EPSTI1: variants seen among roughly 807,000 people sequenced by gnomAD.
EPSTI1 encodes the protein epithelial stromal interaction 1, also known as epithelial-stromal interaction protein 1.
Under a neutral mutation model 49.9 loss-of-function variants are expected in EPSTI1, and 66 were observed. The ratio of observed to expected loss-of-function variants is 1.32; its 90% CI spans 1.08 to 1.62. EPSTI1 has a LOEUF of 1.62. Among genes scored for constraint, EPSTI1 ranks in the 40% most tolerant of loss-of-function variants. The pLI, the probability that EPSTI1 is intolerant of heterozygous loss-of-function variation, is 0.00. For missense variants in EPSTI1, 394 were observed against 365.5 expected (o/e 1.08, Z -0.64); for synonymous variants, 137 against 130.7 (o/e 1.05, Z -0.33).
chr13:42,942,705 G>A (rs113601752), intron 6 of EPSTI1, among the ~76,000 whole-genome samples: 3 of 104,076 alleles, frequency 2.9e-5, no homozygotes, highest in African/African-American at 3.8e-5. Context: ...TTTTTGAGAC[G>A]GAGTCTTGCT....
chr13:42,969,568 A>G (rs974669206), intron 2 of EPSTI1: 2 of 210,180 alleles, frequency 9.5e-6, no homozygotes, highest in South Asian at 6.9e-5. Flanking sequence ...ATAGGTAAAC[A>G]TATCCCCAGA....
rs368975137 is a variant in EPSTI1 at position 42,922,362 on chromosome 13, G to A, written c.657+3974C>T. Among the ~76,000 whole-genome samples the A allele has an allele frequency of 7.2e-5, 11 of 152,236 alleles. No homozygotes were observed. The highest frequency in any genetic ancestry group is 2.1e-4 in the South Asian group (1 of 4,818). Reference sequence around the variant, plus strand: ...AGATTAGCCTGGATAGTCCAGGTGGGCCCATTGTAATCAAAAGGGTCATTA... The same window carrying A: ...AGATTAGCCTGGATAGTCCAGGTGGACCCATTGTAATCAAAAGGGTCATTA... On this transcript the variant is annotated intron_variant, in intron 7 of 10. Coordinates refer to ENST00000313624, the MANE Select transcript of EPSTI1 (RefSeq NM_033255.5). The surrounding 1 kb of genome is among the most constrained non-coding windows in gnomAD (Gnocchi z 4.8).
At chr13:42,920,957 G>A (rs946816597) in intron 7 of EPSTI1, among the ~76,000 whole-genome samples, 1 of 151,980 alleles carries the variant, frequency 6.6e-6, no homozygotes, top group African/African-American at 2.4e-5. Flanking sequence ...AAAATATTTA[G>A]AAGATAAAGT....
At chr13:42,963,688 TA>T in intron 4 of EPSTI1, 1 of 297,000 alleles carries the variant, frequency 3.4e-6, no homozygotes, top group South Asian at 8.1e-5. Context: ...GTGTTCATTG[TA>T]AAAATCGCTG....
intron 5 of EPSTI1, 94 bp downstream of exon 5, chr13:42,963,161 T>C (rs188215785): frequency 8.2e-4 from 815 of 989,608 alleles, no homozygotes; most frequent in Non-Finnish European, 1.1e-3. Context: ...GAGAGAAAGA[T>C]GGATAAATTT....
chr13:42,945,739 T>C (rs1175236040), intron 6 of EPSTI1, among the ~76,000 whole-genome samples: 1 of 152,098 alleles, frequency 6.6e-6, no homozygotes, highest in African/African-American at 2.4e-5. Context: ...AATACTGACA[T>C]CAGGGCAGTG....
chr13:42,966,534 A>C lies in EPSTI1; in HGVS notation c.332-2395T>G, dbSNP rs1480689968. Among the ~76,000 whole-genome samples, 94 of 35,384 alleles carry C rather than the reference A, an allele frequency of 2.7e-3. 8 individuals are homozygous for C. The highest frequency in any genetic ancestry group is 8.6e-3 in the African/African-American group (90 of 10,518). 23.2% of individuals were successfully genotyped at this position (35,384 alleles called of 152,430 possible). A position where few individuals can be genotyped will look rare whatever the true frequency, so the allele number is the denominator to read the frequency against. On this transcript the variant is annotated intron_variant, in intron 3 of 10. Coordinates refer to ENST00000313624, the MANE Select transcript of EPSTI1 (RefSeq NM_033255.5). The stretch of plus-strand genomic sequence containing the variant: ...GCCGCCCCGTCTGAGAAGTGAGGAG[A>C]CCCTCTGCCTGGCAACCGCCCCGTC...
Position 42,917,679 on chromosome 13 carries a change from G to GT in EPSTI1, c.658-56dup, listed in dbSNP as rs1415222881. On this transcript the variant is annotated intron_variant, in intron 7 of 10. Coordinates refer to ENST00000313624, the MANE Select transcript of EPSTI1 (RefSeq NM_033255.5). Reference sequence around the variant, plus strand: ...AAAAAACAACTTGATAGGATAAAGGGTTGTCACAGTACACCAAGCTGCCTA... The same window carrying GT: ...AAAAAACAACTTGATAGGATAAAGGGTTTGTCACAGTACACCAAGCTGCCTA... 3 of 1,299,298 alleles carry GT rather than the reference G, an allele frequency of 2.3e-6. No individual in the cohort carries two copies. The African/African-American group carries it at 4.4e-5, about 19-fold the overall frequency. The allele number at this position is 1,299,298 out of a possible 1,614,324, so 80.5% of individuals were successfully genotyped here.
At chr13:42,954,045 T>A (rs767676529) in intron 5 of EPSTI1, 24 bp from the exon 6 acceptor site, 1 of 1,590,488 alleles carries the variant, frequency 6.3e-7, no homozygotes, top group Non-Finnish European at 8.6e-7. Context: ...TATCAAAACA[T>A]AACTTATTAA....
rs747929111 is a variant in EPSTI1 at position 42,964,139 on chromosome 13, C to T, written c.332G>A (p.Gly111Asp). ...GACTTCAGTTTCTGACTGGCTTCCA[C>T]CTTAGGAAAAAAAAATCCATGAAGG... ...KPVHLVPRRL[G>D]GSQSETEVRQ... Residue 111 changes from glycine (G) to aspartate (D), a missense_variant and splice_region_variant, in exon 4 of 11, where the codon GGT becomes GAT. Physicochemically the swap from Gly to Asp is moderately conservative, Grantham distance 94. Coordinates refer to ENST00000313624, the MANE Select transcript of EPSTI1 (RefSeq NM_033255.5). The T allele has an allele frequency of 2.5e-6, 4 of 1,611,624 alleles. No individual in the cohort carries two copies. The East Asian group carries it at 8.9e-5, about 36-fold the overall frequency.
At chr13:42,901,764 T>C (rs1341305177) in intron 8 of EPSTI1, among the ~76,000 whole-genome samples, 2 of 152,212 alleles carry the variant, frequency 1.3e-5, no homozygotes, top group African/African-American at 4.8e-5. Flanking sequence ...ATTCATTTCT[T>C]AATTTTTTTT....
intron 1 of EPSTI1, among the ~76,000 whole-genome samples, chr13:42,981,088 T>C (rs1444620855): frequency 3.9e-5 from 6 of 152,154 alleles, no homozygotes; most frequent in Non-Finnish European, 8.8e-5. Context: ...AGGACTTTAA[T>C]GGATTTTCTT....
intron 6 of EPSTI1, among the ~76,000 whole-genome samples, chr13:42,928,246 A>G (rs187107379): frequency 1.3e-5 from 2 of 152,182 alleles, no homozygotes; most frequent in Non-Finnish European, 2.9e-5. Context: ...ACACTAACTC[A>G]TATTTTTCTA....
At chr13:42,970,733 C>G (rs2039747151) in intron 1 of EPSTI1, 63 bp from the exon 2 acceptor site, 5 of 1,319,102 alleles carry the variant, frequency 3.8e-6, no homozygotes, top group Admixed American at 2.0e-5. Flanking sequence ...TATAAGCCAC[C>G]AGATATTTTT....
At chr13:42,971,476 C>A (rs1424988333) in intron 1 of EPSTI1, among the ~76,000 whole-genome samples, 1 of 152,110 alleles carries the variant, frequency 6.6e-6, no homozygotes. Context: ...AGATGATGCA[C>A]GTGATCCCAC....
At chr13:42,975,258 G>GA (rs2039858967) in intron 1 of EPSTI1, among the ~76,000 whole-genome samples, 1 of 152,100 alleles carries the variant, frequency 6.6e-6, no homozygotes, top group Non-Finnish European at 1.5e-5. Context: ...AAGAATAATA[G>GA]AAAATGACAA....
At position 42,888,166 on chromosome 13, in the gene EPSTI1, CA is replaced by C; in HGVS notation, c.*327del. 1 of 1,466,964 alleles carries C rather than the reference CA, an allele frequency of 6.8e-7. No individual in the cohort carries two copies. The highest frequency in any genetic ancestry group is 9.3e-7 in the Non-Finnish European group (1 of 1,077,854). 90.9% of individuals were successfully genotyped at this position (1,466,964 alleles called of 1,614,324 possible). A position where few individuals can be genotyped will look rare whatever the true frequency, so the allele number is the denominator to read the frequency against. On this transcript the variant is annotated 3_prime_UTR_variant, in exon 11 of 11. Coordinates refer to ENST00000313624, the MANE Select transcript of EPSTI1 (RefSeq NM_033255.5). The stretch of plus-strand genomic sequence containing the variant: ...GTCACTTAGAAAGACAAGCCTGTAG[CA>C]CCCATAGCTCTGATTAACCTGAAAG...
chr13:42,988,805 GC>G (rs1322146120), intron 1 of EPSTI1, among the ~76,000 whole-genome samples: 1 of 151,344 alleles, frequency 6.6e-6, no homozygotes, highest in East Asian at 1.9e-4. Context: ...TATATTGATA[GC>G]CACAGATTTT....
intron 5 of EPSTI1, among the ~76,000 whole-genome samples, chr13:42,957,211 G>C (rs989070043): frequency 6.6e-6 from 1 of 152,242 alleles, no homozygotes; most frequent in Non-Finnish European, 1.5e-5. Flanking sequence ...TATCATTTAA[G>C]AGCACCAGAA....
Sources: gnomAD v4.1 joint callset for allele counts (sites outside exome capture counted in the v4.1 genomes callset) on GRCh38, gnomAD v4.1.1 for gene constraint, Gnocchi (gnomAD v3.1) non-coding constraint, MANE v1.5 for transcripts, NCBI Gene and HGNC (gene_info 2026-07-23, HGNC 2026-07-21) for gene names.